PAPPA2: variants seen among roughly 807,000 people sequenced by gnomAD.
PAPPA2 encodes pappalysin 2.
PAPPA2 carries 86 observed loss-of-function variants against 176.4 expected under a neutral mutation model. The ratio of observed to expected loss-of-function variants is 0.49; its 90% CI spans 0.41 to 0.58. The LOEUF is 0.58. PAPPA2 is among the 20% of genes least tolerant of loss of function. The pLI is 0.00. For missense variants in PAPPA2, 2,073 were observed against 2,256.9 expected (o/e 0.92, Z 1.65); for synonymous variants, 809 against 852.2 (o/e 0.95, Z 0.88).
Position 176,746,411 on chromosome 1 carries a change from T to C in PAPPA2, c.4151+6215T>C, listed in dbSNP as rs577495058. Among the ~76,000 whole-genome samples the C allele has an allele frequency of 3.3e-5, 5 of 152,296 alleles. No homozygotes were observed. In the East Asian group the frequency reaches 9.7e-4, roughly 29 times the overall value. ...TCAATACTGTTTTTCTTTTTCTTTT[T>C]TTCTTTTTTTTAGAGACAGGAGTGT... On this transcript the variant is annotated intron_variant, in intron 14 of 22. Transcript: ENST00000367662.
At chr1:176,739,502 T>TA (rs956751547) in intron 12 of PAPPA2, 124 bp from the exon 13 acceptor site, 87 of 1,036,508 alleles carry the variant, frequency 8.4e-5, no homozygotes, top group Non-Finnish European at 1.0e-4. Context: ...TTAGCATTTA[T>TA]AAAAAAAATG....
intron 3 of PAPPA2, among the ~76,000 whole-genome samples, chr1:176,623,464 A>G (rs891722685): frequency 3.9e-5 from 6 of 152,062 alleles, no homozygotes; most frequent in Non-Finnish European, 5.9e-5. Flanking sequence ...TTAGAGCCAC[A>G]CTCATTATAG....
At chr1:176,730,084 T>G (rs146950794) in intron 12 of PAPPA2, among the ~76,000 whole-genome samples, 3 of 151,992 alleles carry the variant, frequency 2.0e-5, no homozygotes. Context: ...CTTTTGCATG[T>G]AGAATTATTT....
chr1:176,694,765 C>T (rs770157564), intron 6 of PAPPA2, among the ~76,000 whole-genome samples: 17 of 152,156 alleles, frequency 1.1e-4, no homozygotes, highest in Non-Finnish European at 1.6e-4. Context: ...TCATGGATAT[C>T]CATAAAACAA....
chr1:176,590,504 A>G (rs1026809684), intron 2 of PAPPA2, among the ~76,000 whole-genome samples: 13 of 152,170 alleles, frequency 8.5e-5, no homozygotes, highest in Admixed American at 2.0e-4. Flanking sequence ...TTGATAACAC[A>G]TCATGAAACT....
intron 15 of PAPPA2, 82 bp downstream of exon 15, chr1:176,765,919 A>G (rs750608484): frequency 3.3e-4 from 501 of 1,508,894 alleles, no homozygotes; most frequent in Non-Finnish European, 4.2e-4. Context: ...CTCCACAGGG[A>G]AAGAGCAGAT....
At chr1:176,544,561 T>C (rs1378250927) in intron 1 of PAPPA2, among the ~76,000 whole-genome samples, 1 of 152,164 alleles carries the variant, frequency 6.6e-6, no homozygotes. Flanking sequence ...TGGCCACCAA[T>C]TGAGTGGCGT....
chr1:176,793,985 T>A lies in PAPPA2; in HGVS notation c.5130+316T>A, dbSNP rs1665304919. 1.3e-5 allele frequency among the ~76,000 whole-genome samples: 2 copies of A among 152,024 alleles called. 1 individual carries two copies. The highest frequency in any genetic ancestry group is 4.1e-4 in the South Asian group (2 of 4,828). On this transcript the variant is annotated intron_variant, in intron 20 of 22. Transcript: ENST00000367662. ...GGCGGGTGCCTGTAGTCCCAGCTAC[T>A]TGGGAGGCTGAGGCAGGAGAATGGC...
chr1:176,679,499 A>G (rs1292761164), intron 4 of PAPPA2, among the ~76,000 whole-genome samples: 6 of 152,194 alleles, frequency 3.9e-5, no homozygotes, highest in Admixed American at 1.3e-4. Flanking sequence ...TCTTTGTACA[A>G]TGAAGGAAAT....
intron 1 of PAPPA2, among the ~76,000 whole-genome samples, chr1:176,503,942 G>T (rs867838795): frequency 6.6e-6 from 1 of 152,142 alleles, no homozygotes; most frequent in Non-Finnish European, 1.5e-5. Context: ...CATCTCTACA[G>T]AAGTGGGATG....
intron 1 of PAPPA2, among the ~76,000 whole-genome samples, chr1:176,535,911 A>T (rs568370519): frequency 1.3e-5 from 2 of 152,324 alleles, no homozygotes; most frequent in South Asian, 4.1e-4. Flanking sequence ...AAGCCCCAGG[A>T]CATGTTCCAC....
intron 12 of PAPPA2, among the ~76,000 whole-genome samples, chr1:176,724,997 G>A (rs1264124900): frequency 1.3e-5 from 2 of 152,112 alleles, no homozygotes; most frequent in Non-Finnish European, 1.5e-5. Flanking sequence ...CTCTACACCA[G>A]GGTTTTGGAA....
At chr1:176,550,983 A>C (rs143469347) in intron 1 of PAPPA2, among the ~76,000 whole-genome samples, 2 of 152,232 alleles carry the variant, frequency 1.3e-5, no homozygotes, top group Non-Finnish European at 2.9e-5. Context: ...AGGTGAAGAC[A>C]GTGCGTAGCC....
chr1:176,556,195 T>G lies in PAPPA2; in HGVS notation c.-128T>G. On this transcript the variant is annotated 5_prime_UTR_variant, in exon 2 of 23. Transcript: ENST00000367662. ...CTTGGGGCTATTTGAAAAAGTTTGG[T>G]CTGTGAACAAAACAGTTTCCCTGGT... 1 of 1,140,838 alleles carries G rather than the reference T, an allele frequency of 8.8e-7. No homozygotes were observed. The highest frequency in any genetic ancestry group is 1.2e-6 in the Non-Finnish European group (1 of 805,432). The allele number at this position is 1,140,838 out of a possible 1,614,324, so 70.7% of individuals were successfully genotyped here.
chr1:176,827,416 C>T (rs1283332849), intron 21 of PAPPA2, among the ~76,000 whole-genome samples: 3 of 152,200 alleles, frequency 2.0e-5, no homozygotes, highest in African/African-American at 7.2e-5. Flanking sequence ...CTTTTACCAT[C>T]TGAAATGTCA....
intron 3 of PAPPA2, among the ~76,000 whole-genome samples, chr1:176,600,726 T>C (rs1375088153): frequency 6.6e-6 from 1 of 151,016 alleles, no homozygotes; most frequent in African/African-American, 2.4e-5. Context: ...ACAATTCCAT[T>C]ATACTGTTAC....
chr1:176,595,095 A>G lies in PAPPA2; in HGVS notation c.1491A>G (p.Pro497=). The G allele has an allele frequency of 6.2e-7, 1 of 1,613,494 alleles. No homozygotes were observed. The highest frequency in any genetic ancestry group is 8.5e-7 in the Non-Finnish European group (1 of 1,179,876). The stretch of plus-strand genomic sequence containing the variant: ...AGATTCTGTCGCCTTTGCAGCCCCC[A>G]CTCTGTGGGCAAACAGTCTGTGACA... ...EPEILSPLQP[P]LCGQTVCDNV... The change falls in exon 3 of 23, where the codon CCA becomes CCG. Residue 497 remains proline, a synonymous_variant. Transcript: ENST00000367662.
At chr1:176,475,894 C>G (rs536952225) in intron 1 of PAPPA2, among the ~76,000 whole-genome samples, 43 of 152,288 alleles carry the variant, frequency 2.8e-4, no homozygotes, top group African/African-American at 1.0e-3. Flanking sequence ...TCCATTGAGA[C>G]ACCTAACTAA....
intron 1 of PAPPA2, among the ~76,000 whole-genome samples, chr1:176,474,865 C>G (rs1340339744): frequency 6.6e-6 from 1 of 151,984 alleles, no homozygotes; most frequent in Non-Finnish European, 1.5e-5. Flanking sequence ...GTCTTCAAGT[C>G]CCAGAAATTA....
Sources: allele counts gnomAD v4.1 joint callset (sites outside exome capture counted in the v4.1 genomes callset), GRCh38; gene constraint gnomAD v4.1.1; transcripts MANE v1.5; gene names NCBI Gene and HGNC (gene_info 2026-07-23, HGNC 2026-07-21).